Variants in USP46 observed in about 807,000 individuals in gnomAD.
USP46 encodes the protein ubiquitin carboxyl-terminal hydrolase 46.
Under a neutral mutation model 44.4 loss-of-function variants are expected in USP46, and 12 were observed. That is an observed-to-expected ratio of 0.27 (90% CI 0.17 to 0.44). The LOEUF is 0.44. Among genes scored for constraint, USP46 ranks in the 20% least tolerant of loss-of-function variants. The probability of loss-of-function intolerance (pLI) is 1.00; values close to 1 mark genes in which losing one functional copy is unlikely to be tolerated. For missense variants in USP46, 248 were observed against 444.8 expected, an observed-to-expected ratio of 0.56 and a Z score of 3.98; for synonymous variants, 155 against 161.5, an observed-to-expected ratio of 0.96 and a Z score of 0.31.
At chr4:52,609,842 T>C (rs13109732) in intron 5 of USP46, among the ~76,000 whole-genome samples, 1 of 129,614 alleles carries the variant, frequency 7.7e-6, no homozygotes, top group African/African-American at 2.8e-5. Context: ...ATGACCAACA[T>C]ACACATTTCT....
intron 5 of USP46, 122 bp from the exon 6 acceptor site, chr4:52,604,706 G>GA: frequency 3.0e-6 from 2 of 659,976 alleles, no homozygotes; most frequent in Non-Finnish European, 4.8e-6. Flanking sequence ...GAAGTAATCA[G>GA]AAAAAAATCC....
chr4:52,604,358 G>C lies in USP46; in HGVS notation c.722+143C>G, dbSNP rs17051593. 2.9e-3 allele frequency: 1,920 copies of C among 652,738 alleles called. 20 individuals are homozygous for C. In the African/African-American group the frequency reaches 0.033, roughly 11 times the overall value. The allele number at this position is 652,738 out of a possible 1,614,324, so 40.4% of individuals were successfully genotyped here. A position where few individuals can be genotyped will look rare whatever the true frequency, so the allele number is the denominator to read the frequency against. ...CAGCGTTCTTATCCCAGTTTCACTG[G>C]TGAGGAGGATAACTGACTTCCCCAA... On this transcript the variant is annotated intron_variant, in intron 6 of 8. Transcript: ENST00000441222.
At chr4:52,625,413 T>C (rs1435316489) in intron 4 of USP46, among the ~76,000 whole-genome samples, 1 of 151,718 alleles carries the variant, frequency 6.6e-6, no homozygotes, top group Non-Finnish European at 1.5e-5. Flanking sequence ...ACCCACAGAG[T>C]TGAAGTTAAA....
At chr4:52,611,584 A>G (rs1716934688) in intron 4 of USP46, among the ~76,000 whole-genome samples, 1 of 152,126 alleles carries the variant, frequency 6.6e-6, no homozygotes, top group South Asian at 2.1e-4. Context: ...ACTCTTTTAT[A>G]CTTTTAGAAG....
At position 52,659,202 on chromosome 4, in the gene USP46, G is replaced by C; in HGVS notation, c.-52C>G. 3 of 1,501,022 alleles carry C rather than the reference G, an allele frequency of 2.0e-6. No individual in the cohort carries two copies. Among genetic ancestry groups the C allele is most frequent in the South Asian group, 2.6e-5 (2 of 78,032 alleles). The allele number at this position is 1,501,022 out of a possible 1,614,324, so 93.0% of individuals were successfully genotyped here. ...ACCGCCATCTTTACAAGGGGAAACC[G>C]GGACTGCCCATGGTGGCGCGCTGGC... On this transcript the variant is annotated 5_prime_UTR_variant, in exon 1 of 9. Transcript: ENST00000441222. This position sits in a 1 kb window ranked among gnomAD's most constrained non-coding sequence, Gnocchi z 4.2.
intron 1 of USP46, among the ~76,000 whole-genome samples, chr4:52,647,191 G>A (rs530227176): frequency 2.2e-4 from 33 of 152,286 alleles, no homozygotes; most frequent in Non-Finnish European, 4.6e-4. Context: ...CCTCCTACAA[G>A]ACACAAACAG....
At chr4:52,610,751 A>G in intron 4 of USP46, 134 bp from the exon 5 acceptor site, 1 of 721,098 alleles carries the variant, frequency 1.4e-6, no homozygotes, top group South Asian at 2.3e-5. Context: ...ATGTATACTC[A>G]TTGGCACCCA....
At chr4:52,632,984 GAAAAGAAAAGAAAGAAAGAAAGAAA>G (rs1560406156) in intron 1 of USP46, among the ~76,000 whole-genome samples, 50 of 52,610 alleles carry the variant, frequency 9.5e-4, no homozygotes, top group African/African-American at 2.7e-3. Context: ...AAGAAAGAAA[GAAAAGAAAAGAAAGAAAGAAAGAAA>G]GAAAGAAAGA....
intron 4 of USP46, among the ~76,000 whole-genome samples, chr4:52,624,475 T>C (rs1170548781): frequency 2.0e-5 from 3 of 152,214 alleles, no homozygotes; most frequent in African/African-American, 7.2e-5. Context: ...TTAGTCTCTT[T>C]TTGTTTAGCT....
chr4:52,598,773 C>T, intron 7 of USP46, 67 bp from the exon 8 acceptor site: 19 of 1,441,720 alleles, frequency 1.3e-5, no homozygotes, highest in Non-Finnish European at 1.8e-5. Context: ...CTCTACTTAG[C>T]TCTTTATAAG....
chr4:52,635,593 T>C (rs1484269209), intron 1 of USP46, among the ~76,000 whole-genome samples: 1 of 152,104 alleles, frequency 6.6e-6, no homozygotes, highest in Non-Finnish European at 1.5e-5. Context: ...TCCCCCAACT[T>C]CCTACATGCC....
intron 4 of USP46, among the ~76,000 whole-genome samples, chr4:52,619,500 C>A (rs1411787166): frequency 6.6e-6 from 1 of 152,188 alleles, no homozygotes; most frequent in Non-Finnish European, 1.5e-5. Context: ...GCAATTCTGA[C>A]TGAAGCACCA....
intron 1 of USP46, chr4:52,656,262 C>G (rs1445824367): frequency 5.8e-6 from 9 of 1,549,568 alleles, no homozygotes; most frequent in Middle Eastern, 3.6e-4. Context: ...CACAGAGGAG[C>G]TAAGCAGTGA....
intron 4 of USP46, among the ~76,000 whole-genome samples, chr4:52,617,148 T>C (rs1413504076): frequency 6.6e-6 from 1 of 152,210 alleles, no homozygotes; most frequent in East Asian, 1.9e-4. Context: ...AATGGAAAGA[T>C]ATCTAAATGA....
At chr4:52,601,525 T>C (rs1222181545) in intron 7 of USP46, among the ~76,000 whole-genome samples, 2 of 152,248 alleles carry the variant, frequency 1.3e-5, no homozygotes, top group African/African-American at 4.8e-5. Flanking sequence ...ATACTGTAAA[T>C]GCAACTTGGC....
At chr4:52,616,088 C>G (rs1717134502) in intron 4 of USP46, among the ~76,000 whole-genome samples, 2 of 152,188 alleles carry the variant, frequency 1.3e-5, no homozygotes, top group African/African-American at 2.4e-5. Context: ...CCACACCCAA[C>G]AACTGCCAAA....
chr4:52,602,949 C>T (rs1166306968), intron 6 of USP46, among the ~76,000 whole-genome samples: 1 of 152,190 alleles, frequency 6.6e-6, no homozygotes, highest in East Asian at 1.9e-4. Flanking sequence ...AGAGGGTCTT[C>T]CAGTTACCTT....
intron 1 of USP46, among the ~76,000 whole-genome samples, chr4:52,647,330 A>G (rs1412201206): frequency 6.6e-6 from 1 of 152,222 alleles, no homozygotes; most frequent in Non-Finnish European, 1.5e-5. Flanking sequence ...AAGAAACTAT[A>G]ACTATTGATA....
At chr4:52,651,596 T>G (rs903337067) in intron 1 of USP46, among the ~76,000 whole-genome samples, 1 of 152,222 alleles carries the variant, frequency 6.6e-6, no homozygotes, top group African/African-American at 2.4e-5. Flanking sequence ...ATAAAAATTT[T>G]CCTGCACTGT....
Sources: gnomAD v4.1 joint callset for allele counts (sites outside exome capture counted in the v4.1 genomes callset) on GRCh38, gnomAD v4.1.1 for gene constraint, Gnocchi (gnomAD v3.1) non-coding constraint, MANE v1.5 for transcripts, NCBI Gene and HGNC (gene_info 2026-07-23, HGNC 2026-07-21) for gene names.